Variants in LNPEP observed in about 807,000 individuals in gnomAD.
LNPEP encodes leucyl and cystinyl aminopeptidase, also known as leucyl-cystinyl aminopeptidase.
Under a neutral mutation model 120.6 loss-of-function variants are expected in LNPEP, and 64 were observed. The observed-to-expected ratio is 0.53, with a 90% CI of 0.43 to 0.65. The LOEUF (loss-of-function observed/expected upper bound fraction) is 0.65, where lower values mean the gene tolerates loss of function less well. Ranked by LOEUF, LNPEP falls within the 30% of genes least tolerant of loss-of-function variation. The probability of loss-of-function intolerance (pLI) is 0.00; values close to 1 mark genes in which losing one functional copy is unlikely to be tolerated. For missense variants in LNPEP, 1,057 were observed against 1,200.0 expected (o/e 0.88, Z 1.76); for synonymous variants, 435 against 425.4 (o/e 1.02, Z -0.28).
intron 1 of LNPEP, among the ~76,000 whole-genome samples, chr5:96,969,065 TG>T (rs1789797846): frequency 6.6e-6 from 1 of 152,052 alleles, no homozygotes; most frequent in South Asian, 2.1e-4. Context: ...GCCTCAGAAT[TG>T]TGATTACCTC....
intron 1 of LNPEP, among the ~76,000 whole-genome samples, chr5:96,938,389 A>G (rs909987447): frequency 2.6e-5 from 4 of 152,258 alleles, no homozygotes; most frequent in Admixed American, 2.6e-4. Context: ...ATGTATCCCT[A>G]TATATGTAGA....
At chr5:96,982,548 A>G (rs1299953299) in intron 2 of LNPEP, among the ~76,000 whole-genome samples, 2 of 152,204 alleles carry the variant, frequency 1.3e-5, no homozygotes, top group Admixed American at 6.5e-5. Flanking sequence ...TTTATCCAAA[A>G]GTGGTGGGTC....
At chr5:96,994,468 T>C (rs1374299924) in intron 6 of LNPEP, among the ~76,000 whole-genome samples, 4 of 149,218 alleles carry the variant, frequency 2.7e-5, no homozygotes, top group African/African-American at 9.8e-5. Flanking sequence ...GGGCTGGATT[T>C]TTTTTTTTTT....
At chr5:96,960,910 CTTTT>C (rs1465012037) in intron 1 of LNPEP, among the ~76,000 whole-genome samples, 1 of 151,594 alleles carries the variant, frequency 6.6e-6, no homozygotes, top group Admixed American at 6.6e-5. Flanking sequence ...TGTCTGGTCT[CTTTT>C]TTGAGACCAA....
At chr5:96,999,153 A>T (rs1273434205) in intron 8 of LNPEP, among the ~76,000 whole-genome samples, 1 of 152,182 alleles carries the variant, frequency 6.6e-6, no homozygotes, top group African/African-American at 2.4e-5. Flanking sequence ...AGACTTTTGA[A>T]CAGAGGAATG....
chr5:96,998,309 T>C (rs907321556), intron 8 of LNPEP, among the ~76,000 whole-genome samples, 164 bp downstream of exon 8: 1 of 152,186 alleles, frequency 6.6e-6, no homozygotes, highest in African/African-American at 2.4e-5. Flanking sequence ...GGTCATAACT[T>C]TTTTGTGGGT....
chr5:97,000,685 G>A (rs548918913), intron 8 of LNPEP, among the ~76,000 whole-genome samples: 1 of 152,280 alleles, frequency 6.6e-6, no homozygotes, highest in African/African-American at 2.4e-5. Context: ...ACTGGGAGAG[G>A]ACTTGGAAGT....
Position 96,950,171 on chromosome 5 carries a change from G to A in LNPEP, c.19+13997G>A, listed in dbSNP as rs147925075. 5.0e-3 allele frequency among the ~76,000 whole-genome samples: 758 copies of A among 152,276 alleles called. 4 individuals are homozygous for A. Among genetic ancestry groups the A allele is most frequent in the African/African-American group, 0.017 (686 of 41,536 alleles). On this transcript the variant is annotated intron_variant, in intron 1 of 17. Transcript: ENST00000231368. ...TAGAGGGAAAGGAAGATGATGTGGA[G>A]GGAAGGAGTCTCTTACTCTGAAGCA...
chr5:96,955,072 G>A (rs1172417211), intron 1 of LNPEP, among the ~76,000 whole-genome samples: 7 of 150,680 alleles, frequency 4.6e-5, no homozygotes, highest in East Asian at 2.0e-4. Context: ...GTGAGCCACC[G>A]CGCCCGGCCT....
Position 97,035,254 on chromosome 5 carries a change from G to A in LNPEP, c.*6721G>A, listed in dbSNP as rs917295251. 1.3e-5 allele frequency: 2 copies of A among 152,052 alleles called. No homozygotes were observed. Among genetic ancestry groups the A allele is most frequent in the African/African-American group, 4.8e-5 (2 of 41,396 alleles). 9.4% of individuals were successfully genotyped at this position (152,052 alleles called of 1,614,324 possible). On this transcript the variant is annotated 3_prime_UTR_variant, in exon 18 of 18. Transcript: ENST00000231368. ...TTAAAGATGTATATAAATGTTTCAT[G>A]TTATTGGTTTTGTACCTAGTCCTTT...
At chr5:96,962,463 A>G (rs1789627158) in intron 1 of LNPEP, among the ~76,000 whole-genome samples, 3 of 152,186 alleles carry the variant, frequency 2.0e-5, no homozygotes, top group African/African-American at 7.2e-5. Flanking sequence ...CTGTGTTCTA[A>G]ATGCTTTTAC....
intron 11 of LNPEP, among the ~76,000 whole-genome samples, chr5:97,006,777 C>T (rs1790797875): frequency 6.6e-6 from 1 of 152,274 alleles, no homozygotes; most frequent in African/African-American, 2.4e-5. Context: ...TGTTTTTATA[C>T]CCAAGATTAA....
intron 8 of LNPEP, among the ~76,000 whole-genome samples, chr5:97,000,948 T>C (rs1243190376): frequency 6.6e-6 from 1 of 152,160 alleles, no homozygotes; most frequent in Non-Finnish European, 1.5e-5. Context: ...TCCAGTGTTA[T>C]CTGAAGTAGA....
chr5:97,006,064 A>ATATT lies in LNPEP; in HGVS notation c.1786-8_1786-7insATTT. ...AAAAGTTTTATATATATATATATAT[A>ATATT]TTTTGTAGGTCACAAACCAAACACT... On this transcript the variant is annotated splice_polypyrimidine_tract_variant and intron_variant, in intron 9 of 17. Transcript: ENST00000231368. 7.1e-6 allele frequency: 8 copies of ATATT among 1,129,126 alleles called. No homozygotes were observed. The highest frequency in any genetic ancestry group is 3.2e-5 in the East Asian group (1 of 30,832). 69.9% of individuals were successfully genotyped at this position (1,129,126 alleles called of 1,614,324 possible).
chr5:97,013,613 C>A, intron 11 of LNPEP, 35 bp from the exon 12 acceptor site: 1 of 1,240,186 alleles, frequency 8.1e-7, no homozygotes, highest in South Asian at 2.4e-5. Flanking sequence ...CAATTGTCTT[C>A]TCTCTCAATC....
chr5:96,989,168 C>T (rs1342037966), intron 4 of LNPEP, among the ~76,000 whole-genome samples: 1 of 150,122 alleles, frequency 6.7e-6, no homozygotes, highest in African/African-American at 2.5e-5. Context: ...CCCTCCTAGA[C>T]AGCTTACTAG....
intron 4 of LNPEP, among the ~76,000 whole-genome samples, chr5:96,991,424 CA>C (rs1318476904): frequency 2.0e-5 from 3 of 152,188 alleles, no homozygotes; most frequent in Non-Finnish European, 4.4e-5. Context: ...TTCCCACCAG[CA>C]GTGTAAAGGT....
At chr5:96,951,729 T>C (rs1174726958) in intron 1 of LNPEP, among the ~76,000 whole-genome samples, 1 of 152,168 alleles carries the variant, frequency 6.6e-6, no homozygotes, top group Non-Finnish European at 1.5e-5. Context: ...TGCCTGAGGA[T>C]GTTAAAAGAA....
chr5:96,996,260 T>G (rs1790513036), intron 6 of LNPEP, 130 bp from the exon 7 acceptor site: 1 of 537,118 alleles, frequency 1.9e-6, no homozygotes, highest in African/African-American at 2.0e-5. Flanking sequence ...TTGTTTTAAC[T>G]ATAGTATCAG....
Sources: allele counts gnomAD v4.1 joint callset (sites outside exome capture counted in the v4.1 genomes callset), GRCh38; gene constraint gnomAD v4.1.1; transcripts MANE v1.5; gene names NCBI Gene and HGNC (gene_info 2026-07-23, HGNC 2026-07-21).